ASTN2: variants seen among roughly 807,000 people sequenced by gnomAD.
The protein encoded by ASTN2 is astrotactin 2, also known as astrotactin-2.
In ASTN2, 54 loss-of-function variants were observed where a neutral mutation model predicts 139.8. That is an observed-to-expected ratio of 0.39 (90% confidence interval 0.31 to 0.48). ASTN2 has a LOEUF of 0.48. ASTN2 is among the 20% of genes least tolerant of loss of function. The pLI, the probability that ASTN2 is intolerant of heterozygous loss-of-function variation, is 0.95. For missense variants in ASTN2, 1,565 were observed against 1,725.1 expected (o/e 0.91, Z 1.64); for synonymous variants, 756 against 719.5 (o/e 1.05, Z -0.81).
chr9:116,925,759 T>G (rs1036579187), intron 10 of ASTN2, among the ~76,000 whole-genome samples: 1 of 151,994 alleles, frequency 6.6e-6, no homozygotes, highest in African/African-American at 2.4e-5. Flanking sequence ...AAAAAATTAT[T>G]AAGAAAGATC....
chr9:116,515,850 T>C (rs898869258), intron 19 of ASTN2, among the ~76,000 whole-genome samples: 1 of 152,150 alleles, frequency 6.6e-6, no homozygotes, highest in African/African-American at 2.4e-5. Context: ...TTTTTGATAA[T>C]TTAGACCAAT....
rs184969959 is a variant in ASTN2, at chr9:116,588,169, T to A, written c.3355+30155A>T. ...ACCCGCTGCTTTCCAGGATCCCAAA[T>A]GACACTGGTCATTGAAAACCCATCC... On this transcript the variant is annotated intron_variant, in intron 19 of 22. Coordinates refer to ENST00000313400, the MANE Select transcript of ASTN2 (RefSeq NM_001365068.1). Among the ~76,000 whole-genome samples, 17 of 152,246 alleles carry A rather than the reference T, an allele frequency of 1.1e-4. No homozygotes were observed. The East Asian group carries it at 3.3e-3, about 29-fold the overall frequency.
intron 2 of ASTN2, among the ~76,000 whole-genome samples, chr9:117,245,307 G>A (rs1833346755): frequency 6.6e-6 from 1 of 152,192 alleles, no homozygotes; most frequent in Non-Finnish European, 1.5e-5. Flanking sequence ...GATAATAACA[G>A]GCTAATAAGC....
At chr9:116,930,958 T>C (rs754790466) in intron 10 of ASTN2, among the ~76,000 whole-genome samples, 20 of 152,008 alleles carry the variant, frequency 1.3e-4, no homozygotes, top group African/African-American at 2.2e-4. Flanking sequence ...GTCCTTCCCA[T>C]CAACTTCTGG....
intron 19 of ASTN2, chr9:116,584,750 T>C (rs1054241801): frequency 6.6e-6 from 1 of 152,198 alleles, no homozygotes; most frequent in Non-Finnish European, 1.5e-5. Context: ...GGAAGAAGTA[T>C]AATTGTCTCT....
At chr9:116,769,820 G>A (rs1829909064) in intron 13 of ASTN2, among the ~76,000 whole-genome samples, 1 of 152,064 alleles carries the variant, frequency 6.6e-6, no homozygotes, top group South Asian at 2.1e-4. Context: ...CGAGGCAGGA[G>A]AATCACTTCA....
chr9:117,299,613 C>T (rs572507821), intron 1 of ASTN2, among the ~76,000 whole-genome samples: 8 of 152,226 alleles, frequency 5.3e-5, no homozygotes, highest in Admixed American at 2.0e-4. Flanking sequence ...GCAGAAGCCA[C>T]CATTATAGAG....
In ASTN2 at chr9:117,040,706, G is replaced by A. The variant is rs542045858; in HGVS notation, c.1277-741C>T. On this transcript the variant is annotated intron_variant, in intron 5 of 22. Coordinates refer to ENST00000313400, the MANE Select transcript of ASTN2 (RefSeq NM_001365068.1). Reference sequence around the variant, plus strand: ...ACTCCTGACCACAGGTGATCCACCCGCCTCAGCCTCCCAAAGTGCTGGGAT... The same window carrying A: ...ACTCCTGACCACAGGTGATCCACCCACCTCAGCCTCCCAAAGTGCTGGGAT... Among the ~76,000 whole-genome samples, 387 of 152,206 alleles carry A rather than the reference G, an allele frequency of 2.5e-3. 1 individual carries two copies. The highest frequency in any genetic ancestry group is 4.3e-3 in the Non-Finnish European group (293 of 68,000).
At chr9:117,374,710 T>C (rs1406085051) in intron 1 of ASTN2, among the ~76,000 whole-genome samples, 4 of 152,166 alleles carry the variant, frequency 2.6e-5, no homozygotes, top group Non-Finnish European at 2.9e-5. Flanking sequence ...GGGAGAGGTA[T>C]AGTCTTGCTG....
chr9:116,921,624 G>A (rs1588413196), intron 10 of ASTN2, among the ~76,000 whole-genome samples: 1 of 151,696 alleles, frequency 6.6e-6, no homozygotes, highest in East Asian at 1.9e-4. Flanking sequence ...CCAAGACTGG[G>A]TAATTTATAA....
chr9:116,477,675 G>C (rs1365690297), intron 20 of ASTN2, among the ~76,000 whole-genome samples: 1 of 151,694 alleles, frequency 6.6e-6, no homozygotes, highest in African/African-American at 2.4e-5. Flanking sequence ...GAAAGAGACA[G>C]GGGTAGAGAC....
chr9:116,683,695 G>A (rs376234342), intron 16 of ASTN2, among the ~76,000 whole-genome samples: 8 of 152,090 alleles, frequency 5.3e-5, no homozygotes, highest in African/African-American at 1.9e-4. Context: ...TTTAACAAAT[G>A]AGTAAAAAAT....
At chr9:116,830,626 TACTA>T (rs751546851) in intron 11 of ASTN2, among the ~76,000 whole-genome samples, 29,885 of 151,516 alleles carry the variant, frequency 0.2, 3,168 homozygotes, top group East Asian at 0.45. Context: ...ACCCTGTCTC[TACTA>T]AAAGTACAAA....
At chr9:117,078,222 T>C (rs546149525) in intron 5 of ASTN2, among the ~76,000 whole-genome samples, 63 of 152,278 alleles carry the variant, frequency 4.1e-4, no homozygotes, top group African/African-American at 1.5e-3. Context: ...AACATTCCAC[T>C]TTATATATTA....
intron 10 of ASTN2, among the ~76,000 whole-genome samples, chr9:116,884,810 C>CCCA: frequency 8.0e-6 from 1 of 124,628 alleles, no homozygotes; most frequent in African/African-American, 3.1e-5. Context: ...TCCGCCCCCC[C>CCCA]CCCACCCACT....
chr9:117,040,496 T>C (rs1482990358), intron 5 of ASTN2, among the ~76,000 whole-genome samples: 3 of 152,222 alleles, frequency 2.0e-5, no homozygotes, highest in African/African-American at 7.2e-5. Flanking sequence ...TCTCGCTTTG[T>C]CGCCCAGGCT....
intron 3 of ASTN2, among the ~76,000 whole-genome samples, chr9:117,187,843 A>G (rs531631792): frequency 7.2e-5 from 11 of 152,202 alleles, no homozygotes; most frequent in Non-Finnish European, 1.3e-4. Flanking sequence ...GAACAATAAC[A>G]TTGCTATCCT....
chr9:117,368,615 G>A (rs931463964), intron 1 of ASTN2, among the ~76,000 whole-genome samples: 2 of 152,056 alleles, frequency 1.3e-5, no homozygotes, highest in Non-Finnish European at 2.9e-5. Flanking sequence ...TCCTAATCTT[G>A]TACTGAAAGG....
chr9:117,257,846 T>A (rs1833727977), intron 2 of ASTN2, among the ~76,000 whole-genome samples: 1 of 152,210 alleles, frequency 6.6e-6, no homozygotes, highest in Admixed American at 6.5e-5. Flanking sequence ...TTTGTTGTAG[T>A]CATTGCTCTG....
Sources: allele counts gnomAD v4.1 joint callset (sites outside exome capture counted in the v4.1 genomes callset), GRCh38; gene constraint gnomAD v4.1.1; transcripts MANE v1.5; gene names NCBI Gene and HGNC (gene_info 2026-07-23, HGNC 2026-07-21).